The following PTGES2 variants were observed in gnomAD, a reference collection of about 807,000 sequenced individuals.
PTGES2 encodes GATE-binding factor 1.
A neutral mutation model predicts 44.5 loss-of-function variants in PTGES2; 35 were observed. The ratio of observed to expected loss-of-function variants is 0.79; its 90% confidence interval spans 0.60 to 1.04. PTGES2 has a LOEUF of 1.04. PTGES2 is among the 50% of genes least tolerant of loss of function. The pLI, the probability that PTGES2 is intolerant of heterozygous loss-of-function variation, is 0.00. For synonymous variants in PTGES2, 221 were observed against 227.5 expected (o/e 0.97, Z 0.26); for missense variants, 517 against 521.4 (o/e 0.99, Z 0.08).
At chr9:128,125,966 G>C (rs1834603190) in intron 1 of PTGES2, among the ~76,000 whole-genome samples, 1 of 152,228 alleles carries the variant, frequency 6.6e-6, no homozygotes, top group Non-Finnish European at 1.5e-5. Flanking sequence ...GAGTGCAGTA[G>C]CTTGATCACA....
At chr9:128,126,783 C>T (rs1427056160) in intron 1 of PTGES2, among the ~76,000 whole-genome samples, 2 of 151,848 alleles carry the variant, frequency 1.3e-5, no homozygotes, top group Non-Finnish European at 2.9e-5. Context: ...TTGCTTGAAC[C>T]CAGGAGGCGG....
In PTGES2 at chr9:128,127,494, G is replaced by T; in HGVS notation, c.224C>A (p.Thr75Lys). 7.2e-7 allele frequency: 1 copy of T among 1,397,258 alleles called. No individual in the cohort carries two copies. Among genetic ancestry groups the T allele is most frequent in the South Asian group, 1.6e-5 (1 of 61,818 alleles). 86.6% of individuals were successfully genotyped at this position (1,397,258 alleles called of 1,614,324 possible). ...ALGGALGLYH[T>K]ARWHLRAQDL... ...CTGGGCGCGCAGGTGCCACCGCGCC[G>T]TGTGGTACAGCCCCAGGGCTCCCCC... is the stretch of plus-strand genomic sequence containing the variant. The change falls in exon 1 of 7, where the codon ACG becomes AAG. Residue 75 changes from threonine (T) to lysine (K), a missense_variant. Physicochemically the swap from Thr to Lys is moderately conservative, Grantham distance 78 (BLOSUM62 -1). Coordinates refer to ENST00000338961, the MANE Select transcript of PTGES2 (RefSeq NM_025072.7).
upstream of PTGES2, chr9:128,127,891 G>A (rs778191412): frequency 3.6e-5 from 20 of 561,216 alleles, no homozygotes; most frequent in Admixed American, 1.3e-4. Context: ...AGTTCGAAAC[G>A]CCCGCCAGAG....
In PTGES2 at chr9:128,124,752, G is replaced by A. The variant is rs545171204; in HGVS notation, c.478-202C>T. On this transcript the variant is annotated intron_variant, in intron 2 of 6. Transcript: ENST00000338961. ...ATGGGGAGGAAGGTGTGGGAAAGCC[G>A]TGGGGTCTAAGCCCCAGCCCACTCA... 1.0e-5 allele frequency: 14 copies of A among 1,346,818 alleles called. No homozygotes were observed. The African/African-American group carries it at 1.8e-4, about 17-fold the overall frequency. The allele number at this position is 1,346,818 out of a possible 1,614,324, so 83.4% of individuals were successfully genotyped here. A position where few individuals can be genotyped will look rare whatever the true frequency, so the allele number is the denominator to read the frequency against.
At chr9:128,127,855 G>C (rs1043872350), upstream of PTGES2, 24 of 879,978 alleles carry the variant, frequency 2.7e-5, no homozygotes, top group African/African-American at 3.9e-4. Context: ...CAGCGCTCTC[G>C]GGACTGGGCG....
chr9:128,127,558 C>G lies in PTGES2; in HGVS notation c.160G>C (p.Gly54Arg). The stretch of plus-strand genomic sequence containing the variant: ...GCAGCTCCCAGCAGCCGCGGGCTCC[C>G]CTTACGAGCTGCAGCCACGGGGCTC... ...GPSPVAAARK[G>R]SPRLLGAAAL... is the part of the protein sequence containing the mutation. Residue 54 changes from glycine (G) to arginine (R), a missense_variant, in exon 1 of 7, where the codon GGG (glycine) becomes CGG (arginine). Transcript: ENST00000338961. The G allele has an allele frequency of 7.8e-7, 1 of 1,285,102 alleles. No individual in the cohort carries two copies. The highest frequency in any genetic ancestry group is 9.8e-7 in the Non-Finnish European group (1 of 1,016,374). 79.6% of individuals were successfully genotyped at this position (1,285,102 alleles called of 1,614,324 possible).
At chr9:128,125,716 CCT>C (rs1222376217) in intron 1 of PTGES2, among the ~76,000 whole-genome samples, 1 of 152,172 alleles carries the variant, frequency 6.6e-6, no homozygotes, top group Non-Finnish European at 1.5e-5. Flanking sequence ...TGGACAGACC[CCT>C]CTTTTCTCAC....
chr9:128,121,124 C>T lies in PTGES2; in HGVS notation c.*21G>A, dbSNP rs1198714481. ...CAGCTGGCGTCTTCCGCTGCCTTCC[C>T]TCTGCTCTGCGCGGGGACATTCAGT... On this transcript the variant is annotated 3_prime_UTR_variant, in exon 7 of 7. Transcript: ENST00000338961. 6.4e-7 allele frequency: 1 copy of T among 1,571,240 alleles called. No individual in the cohort carries two copies. The highest frequency in any genetic ancestry group is 8.6e-7 in the Non-Finnish European group (1 of 1,158,832).
intron 1 of PTGES2, among the ~76,000 whole-genome samples, chr9:128,126,366 G>T (rs73669643): frequency 3.3e-5 from 5 of 152,168 alleles, no homozygotes; most frequent in African/African-American, 7.2e-5. Context: ...TCACCACTTG[G>T]GGGGGGCACC....
At chr9:128,127,891 GC>G (rs1056886097), upstream of PTGES2, 8 of 561,216 alleles carry the variant, frequency 1.4e-5, no homozygotes, top group African/African-American at 2.0e-5. Flanking sequence ...AGTTCGAAAC[GC>G]CCGCCAGAGC....
At chr9:128,126,716 C>T (rs1193430856) in intron 1 of PTGES2, among the ~76,000 whole-genome samples, 2 of 151,616 alleles carry the variant, frequency 1.3e-5, no homozygotes, top group South Asian at 2.1e-4. Flanking sequence ...AAAAATTAGC[C>T]GGGCTGGGTG....
chr9:128,125,900 A>T (rs1015752633), intron 1 of PTGES2, among the ~76,000 whole-genome samples: 2 of 152,092 alleles, frequency 1.3e-5, no homozygotes, highest in African/African-American at 4.8e-5. Context: ...GTCTACCTCC[A>T]ATCTCTTTCT....
chr9:128,127,384 A>G, intron 1 of PTGES2, 55 bp downstream of exon 1: 1 of 1,309,676 alleles, frequency 7.6e-7, no homozygotes, highest in Non-Finnish European at 9.7e-7. Flanking sequence ...GGTTCCCAGG[A>G]GTCCCGAGTT....
rs1025257588 is a variant in PTGES2, at chr9:128,123,974, G to A, written c.537-123C>T. The A allele has an allele frequency of 3.6e-6, 4 of 1,121,660 alleles. No homozygotes were observed. The highest frequency in any genetic ancestry group is 2.2e-5 in the Admixed American group (1 of 44,958). The allele number at this position is 1,121,660 out of a possible 1,614,324, so 69.5% of individuals were successfully genotyped here. A position where few individuals can be genotyped will look rare whatever the true frequency, so the allele number is the denominator to read the frequency against. ...AACAAAGGCTCTCCGGACTCTTGCA[G>A]TAAGAGGGATTTGGAGTAGATGCCA... On this transcript the variant is annotated intron_variant, in intron 3 of 6. Coordinates refer to ENST00000338961, the MANE Select transcript of PTGES2 (RefSeq NM_025072.7). The surrounding 1 kb of genome is among the most constrained non-coding windows in gnomAD (Gnocchi z 4.4).
upstream of PTGES2, chr9:128,128,108 G>A (rs1834717702): frequency 1.6e-5 from 6 of 366,972 alleles, no homozygotes; most frequent in Admixed American, 3.9e-5. Context: ...CCTTCCTAGA[G>A]TCAGTACAGG....
Position 128,121,157 on chromosome 9 carries a change from G to T in PTGES2, c.1122C>A (p.Ser374=), listed in dbSNP as rs770745990. 5 of 1,587,960 alleles carry T rather than the reference G, an allele frequency of 3.1e-6. No individual in the cohort carries two copies. The Admixed American group carries it at 8.9e-5, about 28-fold the overall frequency. The part of the protein sequence containing the change: ...LRVERAITEA[S]PAH ...TGCGCGGGGACATTCAGTGCGCTGG[G>T]GAGGCCTCGGTGATGGCCCTCTCCA... The change falls in exon 7 of 7, where the codon TCC becomes TCA. Residue 374 remains serine (S), a synonymous_variant. Transcript: ENST00000338961.
rs1029163368 is a variant in PTGES2, at chr9:128,122,239, T to C, written c.1005+123A>G. The C allele has an allele frequency of 1.3e-5, 10 of 756,194 alleles. No individual in the cohort carries two copies. The African/African-American group carries it at 1.4e-4, about 11-fold the overall frequency. The allele number at this position is 756,194 out of a possible 1,614,324, so 46.8% of individuals were successfully genotyped here. A position where few individuals can be genotyped will look rare whatever the true frequency, so the allele number is the denominator to read the frequency against. On this transcript the variant is annotated intron_variant, in intron 6 of 6. Coordinates refer to ENST00000338961, the MANE Select transcript of PTGES2 (RefSeq NM_025072.7). ...CTTCGAGGCGAGTTTCTGTCCGTGA[T>C]GGCAGAGAGAGGCAGGTTCCTCTGG...
Position 128,123,899 on chromosome 9 carries a change from CCT to C in PTGES2, c.537-50_537-49del. ...ACCCCAACTCCTTCCCCCTCCGTCC[CCT>C]GTGGCCGACCAACCCCGCTGCCCCA... On this transcript the variant is annotated intron_variant, in intron 3 of 6. Transcript: ENST00000338961. This position sits in a 1 kb window ranked among gnomAD's most constrained non-coding sequence, Gnocchi z 4.4. 6.3e-7 allele frequency: 1 copy of C among 1,592,040 alleles called. No homozygotes were observed. Among genetic ancestry groups the C allele is most frequent in the Non-Finnish European group, 8.6e-7 (1 of 1,163,408 alleles).
At position 128,123,299 on chromosome 9, in the gene PTGES2, T is replaced by G. The variant is rs1588070231; in HGVS notation, c.687-165A>C. Among the ~76,000 whole-genome samples the G allele has an allele frequency of 6.6e-6, 1 of 150,572 alleles. No homozygotes were observed. Among genetic ancestry groups the G allele is most frequent in the East Asian group, 1.9e-4 (1 of 5,138 alleles). On this transcript the variant is annotated intron_variant, in intron 4 of 6. Coordinates refer to ENST00000338961, the MANE Select transcript of PTGES2 (RefSeq NM_025072.7). The surrounding 1 kb of genome is among the most constrained non-coding windows in gnomAD (Gnocchi z 4.4). ...TCTCGCTCTGTCACCCAGGCTGGAG[T>G]GCAATGGCACCATCTCAGCTCACTG...
Sources: allele counts gnomAD v4.1 joint callset (sites outside exome capture counted in the v4.1 genomes callset), GRCh38; gene constraint gnomAD v4.1.1; non-coding constraint Gnocchi (gnomAD v3.1); transcripts MANE v1.5; gene names NCBI Gene and HGNC (gene_info 2026-07-23, HGNC 2026-07-21).